KAZN: variants seen among roughly 807,000 people sequenced by gnomAD.
KAZN encodes kazrin.
Under a neutral mutation model 87.4 loss-of-function variants are expected in KAZN, and 40 were observed. That is an observed-to-expected ratio of 0.46 (90% CI 0.36 to 0.60). The LOEUF (loss-of-function observed/expected upper bound fraction) is 0.60, where lower values mean the gene tolerates loss of function less well. KAZN is among the 20% of genes least tolerant of loss of function. The pLI, the probability that KAZN is intolerant of heterozygous loss-of-function variation, is 0.00. For synonymous variants in KAZN, 466 were observed against 458.3 expected (o/e 1.02, Z -0.22); for missense variants, 898 against 1,073.9 (o/e 0.84, Z 2.29).
intron 1 of KAZN, among the ~76,000 whole-genome samples, chr1:14,706,412 C>CA (rs1163101344): frequency 6.6e-6 from 1 of 151,812 alleles, no homozygotes; most frequent in Non-Finnish European, 1.5e-5. Flanking sequence ...TGTTCTGCAC[C>CA]ACTGTAGGAT....
chr1:15,092,396 CTTG>C (rs944853528), intron 8 of KAZN, among the ~76,000 whole-genome samples: 5 of 151,958 alleles, frequency 3.3e-5, no homozygotes, highest in African/African-American at 1.2e-4. Context: ...TATTTAAATA[CTTG>C]TTGTTTCTCA....
At chr1:14,441,369 G>GGCAGCGGCA (rs1666694953) in intron 2 of KAZN, among the ~76,000 whole-genome samples, 1 of 151,990 alleles carries the variant, frequency 6.6e-6, no homozygotes, top group Non-Finnish European at 1.5e-5. Context: ...GGGCAGCAGC[G>GGCAGCGGCA]GCAGCGGCAG....
At chr1:13,994,484 G>C (rs919923172) in intron 1 of KAZN, among the ~76,000 whole-genome samples, 1 of 152,220 alleles carries the variant, frequency 6.6e-6, no homozygotes, top group Non-Finnish European at 1.5e-5. Flanking sequence ...AGATTAAAAT[G>C]AGTTGCTGAA....
intron 1 of KAZN, among the ~76,000 whole-genome samples, chr1:14,704,635 T>C: frequency 6.6e-6 from 1 of 152,182 alleles, no homozygotes; most frequent in Non-Finnish European, 1.5e-5. Flanking sequence ...ATCACGGGCT[T>C]CAGGGATGAA....
intron 1 of KAZN, among the ~76,000 whole-genome samples, chr1:14,632,356 A>G (rs989798437): frequency 2.0e-5 from 3 of 152,186 alleles, no homozygotes; most frequent in Non-Finnish European, 2.9e-5. Context: ...TTTTGTATAG[A>G]GAAGAATCCT....
At chr1:14,379,697 C>T (rs1661210344) in intron 2 of KAZN, among the ~76,000 whole-genome samples, 1 of 152,008 alleles carries the variant, frequency 6.6e-6, no homozygotes, top group Non-Finnish European at 1.5e-5. Flanking sequence ...GACTGTGTCT[C>T]ATGGTTTGAG....
chr1:14,813,032 G>A (rs945176726), intron 1 of KAZN, among the ~76,000 whole-genome samples: 1 of 152,078 alleles, frequency 6.6e-6, no homozygotes, highest in African/African-American at 2.4e-5. Flanking sequence ...CTACTTAGTC[G>A]GGTAGAAAGA....
rs1663976441 is a variant in KAZN at position 14,407,706 on chromosome 1, G to A, written c.250-191277G>A. ...AGAGTGTTGTATAAACTGTTATCAT[G>A]CATATAGTAAGTTCTTAACAAATGA... On this transcript the variant is annotated intron_variant, in intron 2 of 16. Coordinates refer to the KAZN transcript ENST00000636203. Among the ~76,000 whole-genome samples, 2 of 152,002 alleles carry A rather than the reference G, an allele frequency of 1.3e-5. 1 individual carries two copies. Among genetic ancestry groups the A allele is most frequent in the Admixed American group, 1.3e-4 (2 of 15,242 alleles).
chr1:14,686,730 C>A (rs1293694330), intron 1 of KAZN, among the ~76,000 whole-genome samples: 1 of 152,176 alleles, frequency 6.6e-6, no homozygotes, highest in African/African-American at 2.4e-5. Flanking sequence ...TTCTCAGAGA[C>A]CTCTGTACCT....
chr1:14,480,218 C>T (rs1365560859), intron 2 of KAZN, among the ~76,000 whole-genome samples: 1 of 152,266 alleles, frequency 6.6e-6, no homozygotes, highest in East Asian at 1.9e-4. Context: ...GGGTAGCAAA[C>T]GTTCACCTGT....
At chr1:14,335,696 G>A (rs544578328) in intron 2 of KAZN, among the ~76,000 whole-genome samples, 69 of 152,160 alleles carry the variant, frequency 4.5e-4, no homozygotes, top group African/African-American at 1.6e-3. Flanking sequence ...CCCAGCCTCA[G>A]GTATTTCTTA....
At chr1:14,509,408 C>T (rs1670782932) in intron 2 of KAZN, among the ~76,000 whole-genome samples, 1 of 152,196 alleles carries the variant, frequency 6.6e-6, no homozygotes, top group Admixed American at 6.5e-5. Flanking sequence ...TTCCACCAAC[C>T]AGTGTGGCAT....
intron 2 of KAZN, among the ~76,000 whole-genome samples, chr1:14,316,407 G>A (rs759053280): frequency 6.6e-6 from 1 of 151,928 alleles, no homozygotes; most frequent in Non-Finnish European, 1.5e-5. Flanking sequence ...CTCTAGTGAT[G>A]TCTCAAATTT....
At chr1:14,216,341 A>T (rs544650363) in intron 2 of KAZN, among the ~76,000 whole-genome samples, 1 of 152,288 alleles carries the variant, frequency 6.6e-6, no homozygotes, top group South Asian at 2.1e-4. Flanking sequence ...AAAGGAGTGG[A>T]ATGGTCTGGG....
chr1:14,013,521 C>T (rs1640419145), intron 1 of KAZN, among the ~76,000 whole-genome samples: 1 of 152,108 alleles, frequency 6.6e-6, no homozygotes, highest in Non-Finnish European at 1.5e-5. Flanking sequence ...GCTGTGTACC[C>T]ACCACTGTCA....
At chr1:13,934,947 G>C (rs971888176) in intron 1 of KAZN, among the ~76,000 whole-genome samples, 7 of 152,030 alleles carry the variant, frequency 4.6e-5, no homozygotes, top group African/African-American at 1.4e-4. Flanking sequence ...ATAATAATAA[G>C]CCTTCAGGGC....
chr1:14,025,282 A>G (rs957475378), intron 1 of KAZN, among the ~76,000 whole-genome samples: 1 of 152,238 alleles, frequency 6.6e-6, no homozygotes, highest in South Asian at 2.1e-4. Flanking sequence ...AAGATGAGCT[A>G]CAATCTATGA....
At chr1:15,055,211 T>G (rs912343527) in intron 4 of KAZN, among the ~76,000 whole-genome samples, 1 of 152,182 alleles carries the variant, frequency 6.6e-6, no homozygotes, top group African/African-American at 2.4e-5. Flanking sequence ...GCGCAGTGGC[T>G]CACACCTGTA....
At chr1:14,232,499 T>C (rs1244880399) in intron 2 of KAZN, among the ~76,000 whole-genome samples, 1 of 152,156 alleles carries the variant, frequency 6.6e-6, no homozygotes, top group Non-Finnish European at 1.5e-5. Flanking sequence ...GAGGAAGTCT[T>C]GAGCTCTCCC....
Sources: gnomAD v4.1 joint callset for allele counts (sites outside exome capture counted in the v4.1 genomes callset) on GRCh38, gnomAD v4.1.1 for gene constraint, MANE v1.5 for transcripts, NCBI Gene and HGNC (gene_info 2026-07-23, HGNC 2026-07-21) for gene names.